Variants in JADE1 observed in about 807,000 individuals in gnomAD.
JADE1 encodes the protein protein Jade-1.
JADE1 carries 14 observed loss-of-function variants against 81.8 expected under a neutral mutation model. The observed-to-expected ratio is 0.17, with a 90% CI of 0.11 to 0.27. JADE1 has a LOEUF of 0.27. JADE1 is among the 10% of genes least tolerant of loss of function. JADE1 has a pLI of 1.00. For synonymous variants in JADE1, 353 were observed against 391.9 expected (o/e 0.90, Z 1.17); for missense variants, 690 against 1,047.9 (o/e 0.66, Z 4.71).
chr4:128,822,150 T>C (rs1727632209), intron 1 of JADE1, among the ~76,000 whole-genome samples: 1 of 152,228 alleles, frequency 6.6e-6, no homozygotes, highest in African/African-American at 2.4e-5. Flanking sequence ...TGCTTTGCAC[T>C]GGGGCAAGAA....
At chr4:128,830,286 T>A (rs1053126296) in intron 1 of JADE1, among the ~76,000 whole-genome samples, 2 of 151,764 alleles carry the variant, frequency 1.3e-5, no homozygotes, top group Non-Finnish European at 2.9e-5. Flanking sequence ...CAGGCTGGAG[T>A]GCAGTGGTGT....
chr4:128,847,138 T>C (rs1729938516), intron 4 of JADE1, among the ~76,000 whole-genome samples: 1 of 152,188 alleles, frequency 6.6e-6, no homozygotes, highest in Non-Finnish European at 1.5e-5. Flanking sequence ...CCCTGCCGAC[T>C]CTCCTCACAA....
chr4:128,843,025 G>A lies in JADE1; in HGVS notation c.125G>A (p.Arg42Gln), dbSNP rs771969842. Residue 42 changes from arginine (R) to glutamine (Q), a missense_variant, in exon 3 of 11, where the codon CGA becomes CAA. Physicochemically the swap from Arg to Gln is conservative, Grantham distance 43. Transcript: ENST00000226319. Reference sequence around the variant, plus strand: ...AGCTCCTGCTCCAGACATGAAGATCGAAAGCCTTCAGAGGTACTTCTTGAA... The same window carrying A: ...AGCTCCTGCTCCAGACATGAAGATCAAAAGCCTTCAGAGGTACTTCTTGAA... ...RRSSCSRHEDRKPSEVFRTDL... is the reference protein window; with the variant it reads ...RRSSCSRHEDQKPSEVFRTDL... 6.2e-6 allele frequency: 10 copies of A among 1,613,772 alleles called. 1 individual carries two copies. Among genetic ancestry groups the A allele is most frequent in the South Asian group, 3.3e-5 (3 of 91,060 alleles).
At chr4:128,864,121 T>G in intron 9 of JADE1, 1 of 982,366 alleles carries the variant, frequency 1.0e-6, no homozygotes, top group Non-Finnish European at 1.2e-6. Context: ...TTAAAAAGCC[T>G]AAGGAACTTT....
intron 5 of JADE1, among the ~76,000 whole-genome samples, chr4:128,850,832 T>C (rs1465311970): frequency 6.6e-6 from 1 of 152,258 alleles, no homozygotes; most frequent in Non-Finnish European, 1.5e-5. Flanking sequence ...TAATCCATAT[T>C]TGAAGATACT....
chr4:128,871,224 TTGG>T lies in JADE1; in HGVS notation c.1622-125_1622-123del. 2.3e-6 allele frequency: 2 copies of T among 873,696 alleles called. No homozygotes were observed. The highest frequency in any genetic ancestry group is 1.8e-5 in the South Asian group (1 of 55,582). The allele number at this position is 873,696 out of a possible 1,614,324, so 54.1% of individuals were successfully genotyped here. A position where few individuals can be genotyped will look rare whatever the true frequency, so the allele number is the denominator to read the frequency against. ...CTATAAAAACCAAATTTGTACAAAC[TTGG>T]TGGTGTAAGTGTTGTGTTGTTGGGT... On this transcript the variant is annotated intron_variant, in intron 10 of 10. Transcript: ENST00000226319. This position sits in a 1 kb window ranked among gnomAD's most constrained non-coding sequence, Gnocchi z 4.1.
rs977987180 is a variant in JADE1 at position 128,809,840 on chromosome 4, G to C, written c.-64G>C. Reference sequence around the variant, plus strand: ...ATGCAGCTCCGAGCGAGCGAGCGGCGCCCAGCCCAGCGCCTCGGCCGAACC... The same window carrying C: ...ATGCAGCTCCGAGCGAGCGAGCGGCCCCCAGCCCAGCGCCTCGGCCGAACC... On this transcript the variant is annotated 5_prime_UTR_variant, in exon 1 of 11. Transcript: ENST00000226319. 6.6e-6 allele frequency: 1 copy of C among 150,808 alleles called. No homozygotes were observed. The highest frequency in any genetic ancestry group is 2.4e-5 in the African/African-American group (1 of 41,136). The allele number at this position is 150,808 out of a possible 1,614,324, so 9.3% of individuals were successfully genotyped here.
chr4:128,815,149 C>CTCCGCCTCCCTGTAAGT (rs1336862793), intron 1 of JADE1, among the ~76,000 whole-genome samples: 1 of 144,790 alleles, frequency 6.9e-6, no homozygotes, highest in Non-Finnish European at 1.5e-5. Context: ...TCCCTGTAAG[C>CTCCGCCTCCCTGTAAGT]TCCGCCTCCC....
chr4:128,850,234 C>CT (rs1192310742), intron 5 of JADE1, among the ~76,000 whole-genome samples: 2 of 141,498 alleles, frequency 1.4e-5, no homozygotes, highest in Admixed American at 7.1e-5. Flanking sequence ...TCTCAAGTCA[C>CT]TTGAGGGGGT....
At chr4:128,838,725 G>T (rs1429232173) in intron 2 of JADE1, among the ~76,000 whole-genome samples, 2 of 152,108 alleles carry the variant, frequency 1.3e-5, no homozygotes, top group Non-Finnish European at 2.9e-5. Flanking sequence ...TATAAATTTT[G>T]TTTTAATTAA....
rs1316449179 is a variant in JADE1, at chr4:128,871,652, C to T, written c.1919C>T (p.Ala640Val). 6.2e-7 allele frequency: 1 copy of T among 1,614,212 alleles called. No homozygotes were observed. Among genetic ancestry groups the T allele is most frequent in the South Asian group, 1.1e-5 (1 of 91,090 alleles). The change falls in exon 11 of 11, where the codon GCA becomes GTA. Residue 640 changes from alanine (A) to valine (V), a missense_variant. Coordinates refer to ENST00000226319, the MANE Select transcript of JADE1 (RefSeq NM_199320.4). The surrounding 1 kb of genome is among the most constrained non-coding windows in gnomAD (Gnocchi z 4.1). Reference protein sequence around the residue: ...FLGLEKTFAEARLISAQQKNG... With the variant: ...FLGLEKTFAEVRLISAQQKNG... The stretch of plus-strand genomic sequence containing the variant: ...GGTTTAGAAAAGACCTTTGCAGAAG[C>T]ACGTCTCATATCAGCACAACAGAAA...
intron 2 of JADE1, 75 bp downstream of exon 2, chr4:128,831,885 G>T (rs530860318): frequency 3.1e-6 from 4 of 1,297,712 alleles, no homozygotes; most frequent in African/African-American, 2.9e-5. Context: ...TTAATGTAAT[G>T]CTTTAAATTG....
chr4:128,839,078 A>C (rs1448888776), intron 2 of JADE1, among the ~76,000 whole-genome samples: 1 of 152,112 alleles, frequency 6.6e-6, no homozygotes. Flanking sequence ...TGTCCTCAAC[A>C]ATGACATTTA....
Position 128,852,914 on chromosome 4 carries a change from GTCT to G in JADE1, c.696+651_696+653del, listed in dbSNP as rs1227741047. On this transcript the variant is annotated intron_variant, in intron 6 of 10. Coordinates refer to ENST00000226319, the MANE Select transcript of JADE1 (RefSeq NM_199320.4). ...CCTGTGTCTCTGTCTTCACATGGTGGTCTTCTTTTTTTTTTTTTTTGAGATGGC... is the reference window on the plus strand; with the variant it reads ...CCTGTGTCTCTGTCTTCACATGGTGGTCTTTTTTTTTTTTTTTGAGATGGC... 1.6e-3 allele frequency among the ~76,000 whole-genome samples: 235 copies of G among 151,438 alleles called. 1 individual carries two copies. Among genetic ancestry groups the G allele is most frequent in the African/African-American group, 5.1e-3 (211 of 41,104 alleles).
At chr4:128,858,030 G>C (rs1730941279) in intron 8 of JADE1, among the ~76,000 whole-genome samples, 1 of 152,168 alleles carries the variant, frequency 6.6e-6, no homozygotes, top group African/African-American at 2.4e-5. Flanking sequence ...TGTGTATGCT[G>C]TCATCTCATT....
At chr4:128,859,966 G>C (rs1316888493) in intron 8 of JADE1, among the ~76,000 whole-genome samples, 1 of 152,194 alleles carries the variant, frequency 6.6e-6, no homozygotes, top group Non-Finnish European at 1.5e-5. Context: ...TGTTTGCTGA[G>C]TCAACCTGAA....
Position 128,818,852 on chromosome 4 carries a change from T to A in JADE1, c.-27+8975T>A, listed in dbSNP as rs1401973235. ...CAGAAACAGGCTGTTGACCCCTGAT[T>A]GGTTGATTGATTGATTTGAGACAGG... is the stretch of plus-strand genomic sequence containing the variant. On this transcript the variant is annotated intron_variant, in intron 1 of 10. Transcript: ENST00000226319. Among the ~76,000 whole-genome samples the A allele has an allele frequency of 3.9e-5, 6 of 152,206 alleles. No individual in the cohort carries two copies. In the East Asian group the frequency reaches 1.2e-3, roughly 29 times the overall value.
intron 9 of JADE1, chr4:128,864,293 G>T (rs535446304): frequency 1.7e-5 from 8 of 466,336 alleles, no homozygotes; most frequent in Non-Finnish European, 2.2e-5. Context: ...GATTACAGGC[G>T]TGCGCCACCA....
chr4:128,851,914 G>A (rs757119945), intron 5 of JADE1, 143 bp from the exon 6 acceptor site: 47 of 642,398 alleles, frequency 7.3e-5, no homozygotes, highest in Non-Finnish European at 1.1e-4. Context: ...GAGCCACCAC[G>A]CCTGGCCAGT....
Sources: gnomAD v4.1 joint callset for allele counts (sites outside exome capture counted in the v4.1 genomes callset) on GRCh38, gnomAD v4.1.1 for gene constraint, Gnocchi (gnomAD v3.1) non-coding constraint, MANE v1.5 for transcripts, NCBI Gene and HGNC (gene_info 2026-07-23, HGNC 2026-07-21) for gene names.